Variants in WDR88 observed in about 807,000 individuals in gnomAD.
WDR88 encodes WD repeat-containing protein 88.
WDR88 carries 40 observed loss-of-function variants against 46.8 expected under a neutral mutation model. That is an observed-to-expected ratio of 0.86 (90% CI 0.66 to 1.11). The LOEUF is 1.11. Ranked by LOEUF, WDR88 falls within the 50% of genes most tolerant of loss-of-function variation. The pLI is 0.00. For missense variants in WDR88, 562 were observed against 602.4 expected (o/e 0.93, Z 0.70); for synonymous variants, 235 against 240.7 (o/e 0.98, Z 0.22).
chr19:33,174,155 G>C, intron 10 of WDR88: 1 of 1,535,908 alleles, frequency 6.5e-7, no homozygotes, highest in Non-Finnish European at 8.7e-7. Context: ...ACCCAAACTG[G>C]GATCTAATCT....
chr19:33,158,706 TTG>T (rs1416797724), intron 7 of WDR88, among the ~76,000 whole-genome samples: 7 of 150,374 alleles, frequency 4.7e-5, no homozygotes, highest in Non-Finnish European at 8.8e-5. Flanking sequence ...CCATTTTTTT[TTG>T]TTGTTGTTTG....
intron 6 of WDR88, among the ~76,000 whole-genome samples, chr19:33,154,026 A>G (rs781667066): frequency 1.3e-5 from 2 of 152,130 alleles, no homozygotes; most frequent in African/African-American, 4.8e-5. Flanking sequence ...ATTTAAAAAA[A>G]TTACTTTTAA....
chr19:33,169,898 A>C (rs1209361638), intron 9 of WDR88, among the ~76,000 whole-genome samples: 3 of 152,086 alleles, frequency 2.0e-5, no homozygotes, highest in East Asian at 1.9e-4. Context: ...TATTTTTGAG[A>C]TGGAGTTTCT....
chr19:33,161,034 G>A (rs771136387), intron 8 of WDR88, among the ~76,000 whole-genome samples: 7 of 151,978 alleles, frequency 4.6e-5, no homozygotes, highest in African/African-American at 7.2e-5. Flanking sequence ...TCAGCCGGGT[G>A]TGGTGGTGCA....
At chr19:33,138,803 C>T (rs993649176) in intron 2 of WDR88, among the ~76,000 whole-genome samples, 1 of 151,800 alleles carries the variant, frequency 6.6e-6, no homozygotes, top group African/African-American at 2.4e-5. Context: ...CTGCCTCAGC[C>T]TCCCTAGTAG....
intron 10 of WDR88, chr19:33,174,839 T>C (rs1368389344): frequency 1.2e-5 from 12 of 984,134 alleles, no homozygotes; most frequent in African/African-American, 1.7e-5. Context: ...GCAGGAGACA[T>C]GAGCTGGCAG....
At chr19:33,151,746 G>A (rs1973638045) in intron 6 of WDR88, among the ~76,000 whole-genome samples, 1 of 152,106 alleles carries the variant, frequency 6.6e-6, no homozygotes, top group Non-Finnish European at 1.5e-5. Context: ...TGGGTGTGGT[G>A]TCACACACCT....
At chr19:33,170,578 T>G (rs200934066) in intron 9 of WDR88, among the ~76,000 whole-genome samples, 239 of 151,594 alleles carry the variant, frequency 1.6e-3, no homozygotes, top group Non-Finnish European at 2.9e-3. Flanking sequence ...TTGAAAATCT[T>G]GGCTGGGCAC....
At chr19:33,142,884 C>T (rs1158759518) in intron 2 of WDR88, 1 of 130,790 alleles carries the variant, frequency 7.6e-6, no homozygotes, top group African/African-American at 3.2e-5. Context: ...AAAAAAAGGC[C>T]GGGGGGCGGG....
chr19:33,137,938 T>A, intron 2 of WDR88, 151 bp downstream of exon 2: 1 of 646,590 alleles, frequency 1.5e-6, no homozygotes, highest in Non-Finnish European at 2.6e-6. Flanking sequence ...GAGGAGAGGG[T>A]GAGAGCCCAG....
chr19:33,133,220 G>GA (rs1555723218), intron 1 of WDR88, among the ~76,000 whole-genome samples: 2 of 146,912 alleles, frequency 1.4e-5, no homozygotes, highest in Non-Finnish European at 3.0e-5. Context: ...GAGAAAGAAA[G>GA]AAAGAAAAAG....
At chr19:33,146,126 G>C (rs980633334) in intron 3 of WDR88, among the ~76,000 whole-genome samples, 1 of 151,798 alleles carries the variant, frequency 6.6e-6, no homozygotes, top group Admixed American at 6.6e-5. Flanking sequence ...GAGAAACCCC[G>C]GTCTCTACTA....
At chr19:33,148,649 G>T in intron 4 of WDR88, 123 bp from the exon 5 acceptor site, 1 of 1,191,414 alleles carries the variant, frequency 8.4e-7, no homozygotes, top group South Asian at 1.4e-5. Context: ...ATGTTTCCCA[G>T]GCTAGTCTCA....
At chr19:33,163,483 C>G (rs898066977) in intron 8 of WDR88, among the ~76,000 whole-genome samples, 1 of 151,054 alleles carries the variant, frequency 6.6e-6, no homozygotes, top group African/African-American at 2.4e-5. Flanking sequence ...GCGACAAGAG[C>G]AAAACTCTGT....
chr19:33,135,102 TC>T (rs1354779848), intron 1 of WDR88, among the ~76,000 whole-genome samples: 5 of 151,590 alleles, frequency 3.3e-5, no homozygotes, highest in African/African-American at 9.7e-5. Flanking sequence ...CCTCTTTTTT[TC>T]CCCCCAGTTT....
rs530663857 is a variant in WDR88 at position 33,151,975 on chromosome 19, T to C, written c.809+665T>C. ...GGCTGGGCTCGGTGGCTCATGCCTG[T>C]AATCCCAGCACTTTGGGAGGCCGAG... On this transcript the variant is annotated intron_variant, in intron 6 of 10. Transcript: ENST00000355868. Among the ~76,000 whole-genome samples, 117 of 152,204 alleles carry C rather than the reference T, an allele frequency of 7.7e-4. 1 individual carries two copies. Among genetic ancestry groups the C allele is most frequent in the African/African-American group, 2.3e-3 (94 of 41,536 alleles).
At chr19:33,146,819 G>T (rs1397634454) in intron 3 of WDR88, among the ~76,000 whole-genome samples, 2 of 152,130 alleles carry the variant, frequency 1.3e-5, no homozygotes, top group Non-Finnish European at 2.9e-5. Context: ...TGCTTGGCTG[G>T]TTCTCTCTAG....
chr19:33,172,488 C>T (rs779006483), intron 10 of WDR88, 48 bp downstream of exon 10: 1 of 1,444,958 alleles, frequency 6.9e-7, no homozygotes, highest in Non-Finnish European at 9.6e-7. Context: ...CGTTAGTTCC[C>T]TCTATAAATT....
At chr19:33,170,816 C>T (rs1267963240) in intron 9 of WDR88, among the ~76,000 whole-genome samples, 2 of 151,946 alleles carry the variant, frequency 1.3e-5, no homozygotes, top group African/African-American at 4.8e-5. Context: ...GAGCTGAGGG[C>T]ATGCCACTGC....
Sources: allele counts gnomAD v4.1 joint callset (sites outside exome capture counted in the v4.1 genomes callset), GRCh38; gene constraint gnomAD v4.1.1; transcripts MANE v1.5; gene names NCBI Gene and HGNC (gene_info 2026-07-23, HGNC 2026-07-21).